MYO16: variants seen among roughly 807,000 people sequenced by gnomAD.
MYO16 encodes the protein unconventional myosin-XVI.
MYO16 carries 94 observed loss-of-function variants against 205.3 expected under a neutral mutation model. The observed-to-expected ratio is 0.46, with a 90% CI of 0.39 to 0.54. MYO16 has a LOEUF of 0.54. Ranked by LOEUF, MYO16 falls within the 20% of genes least tolerant of loss-of-function variation. The pLI, the probability that MYO16 is intolerant of heterozygous loss-of-function variation, is 0.00. For missense variants in MYO16, 2,315 were observed against 2,387.5 expected (o/e 0.97, Z 0.63); for synonymous variants, 988 against 954.0 (o/e 1.04, Z -0.66).
chr13:108,986,064 G>T (rs73616481), intron 20 of MYO16, among the ~76,000 whole-genome samples: 1 of 152,136 alleles, frequency 6.6e-6, no homozygotes, highest in African/African-American at 2.4e-5. Flanking sequence ...GCAAGAGAGC[G>T]TGTGCAAAAG....
intron 4 of MYO16, among the ~76,000 whole-genome samples, chr13:108,741,694 T>C (rs1262333530): frequency 6.6e-6 from 1 of 152,166 alleles, no homozygotes; most frequent in Non-Finnish European, 1.5e-5. Flanking sequence ...AATCTGCAAA[T>C]ATGGAATGCA....
chr13:108,963,917 C>T (rs1212604733), intron 19 of MYO16, among the ~76,000 whole-genome samples: 1 of 152,178 alleles, frequency 6.6e-6, no homozygotes, highest in Admixed American at 6.5e-5. Context: ...TGCCCCTTCC[C>T]CTTGTGTTGT....
intron 23 of MYO16, among the ~76,000 whole-genome samples, chr13:109,024,988 G>A (rs1277485218): frequency 1.3e-5 from 2 of 152,154 alleles, no homozygotes; most frequent in African/African-American, 4.8e-5. Context: ...AACATGCAAG[G>A]TCTAGTTTGG....
At chr13:108,668,546 A>T (rs1008298798) in intron 2 of MYO16, among the ~76,000 whole-genome samples, 2 of 152,186 alleles carry the variant, frequency 1.3e-5, no homozygotes, top group African/African-American at 2.4e-5. Context: ...TGTCATCAGC[A>T]CTGGTTCAAC....
At chr13:109,062,173 G>T (rs1887613628) in intron 27 of MYO16, among the ~76,000 whole-genome samples, 1 of 152,050 alleles carries the variant, frequency 6.6e-6, no homozygotes, top group Non-Finnish European at 1.5e-5. Context: ...ACTCTGTTAG[G>T]ATTACGCTTT....
intron 1 of MYO16, among the ~76,000 whole-genome samples, chr13:108,620,554 G>A (rs189466237): frequency 3.5e-4 from 53 of 152,222 alleles, no homozygotes; most frequent in African/African-American, 1.2e-3. Flanking sequence ...TTCCAGTATT[G>A]GCAACATTAG....
At chr13:108,555,811 CT>C in the MYO16 span, among the ~76,000 whole-genome samples, 527 of 152,238 alleles carry the variant, frequency 3.5e-3, 2 homozygotes, top group Middle Eastern at 0.037. Context: ...GTAAATTCAA[CT>C]TTTTTTGATT....
At chr13:108,579,590 T>C in the MYO16 span, among the ~76,000 whole-genome samples, 2 of 151,750 alleles carry the variant, frequency 1.3e-5, no homozygotes, top group Non-Finnish European at 2.9e-5. Context: ...ACAGGCGCCC[T>C]CCATCACATC....
chr13:108,675,321 G>A (rs186490120), intron 2 of MYO16, among the ~76,000 whole-genome samples: 1 of 152,284 alleles, frequency 6.6e-6, no homozygotes, highest in Admixed American at 6.5e-5. Flanking sequence ...TACATTCAGT[G>A]CATTATGATG....
At chr13:109,134,646 C>T (rs1420950760) in intron 31 of MYO16, among the ~76,000 whole-genome samples, 1 of 152,208 alleles carries the variant, frequency 6.6e-6, no homozygotes, top group Non-Finnish European at 1.5e-5. Context: ...GGGTATCCAA[C>T]TTCTTACAGG....
the MYO16 span, among the ~76,000 whole-genome samples, chr13:108,511,289 TC>T: frequency 7.5e-6 from 1 of 133,292 alleles, no homozygotes; most frequent in Non-Finnish European, 1.6e-5. Context: ...AAGTGTCTGT[TC>T]ATGTCCTTCG....
intron 20 of MYO16, among the ~76,000 whole-genome samples, chr13:108,988,539 A>G (rs2139430992): frequency 6.6e-6 from 1 of 152,294 alleles, no homozygotes; most frequent in East Asian, 1.9e-4. Context: ...ATGCCACTCT[A>G]AATTACCAAT....
At chr13:109,184,168 T>C (rs536565165) in intron 34 of MYO16, among the ~76,000 whole-genome samples, 2 of 152,222 alleles carry the variant, frequency 1.3e-5, no homozygotes, top group East Asian at 3.9e-4. Flanking sequence ...AAGATAACCC[T>C]TTCAAAAGGA....
intron 1 of MYO16, among the ~76,000 whole-genome samples, chr13:108,663,053 G>A (rs1366237113): frequency 3.3e-5 from 5 of 152,196 alleles, no homozygotes; most frequent in Admixed American, 3.3e-4. Flanking sequence ...TCTGGGAAAG[G>A]AGGGTCTCTC....
chr13:108,703,919 T>A (rs78273985), intron 2 of MYO16, among the ~76,000 whole-genome samples: 6,521 of 152,020 alleles, frequency 0.043, 186 homozygotes, highest in East Asian at 0.12. Context: ...TAAAAAGAGG[T>A]CATTAAGGTG....
intron 1 of MYO16, among the ~76,000 whole-genome samples, chr13:108,596,505 C>A (rs1405162754): frequency 6.6e-6 from 1 of 151,882 alleles, no homozygotes; most frequent in Admixed American, 6.6e-5. Flanking sequence ...TTCTGAAAGT[C>A]TTCGTGAGTG....
At chr13:109,023,279 A>C (rs1161190408) in intron 23 of MYO16, among the ~76,000 whole-genome samples, 5 of 100,016 alleles carry the variant, frequency 5.0e-5, no homozygotes, top group African/African-American at 2.0e-4. Flanking sequence ...ATAAATATAT[A>C]TATTTATATA....
Position 109,141,045 on chromosome 13 carries a change from C to T in MYO16, c.4833C>T (p.Pro1611=), listed in dbSNP as rs775151531. 190 of 1,410,640 alleles carry T rather than the reference C, an allele frequency of 1.3e-4. No homozygotes were observed. The highest frequency in any genetic ancestry group is 1.7e-4 in the Non-Finnish European group (185 of 1,086,990). 87.4% of individuals were successfully genotyped at this position (1,410,640 alleles called of 1,614,324 possible). A position where few individuals can be genotyped will look rare whatever the true frequency, so the allele number is the denominator to read the frequency against. ...PPGPPPAPYR[P]CAHLAFPPEP... is the part of the protein sequence containing the mutation. The stretch of plus-strand genomic sequence containing the variant: ...GGCCGCCCCCCGCGCCCTACAGGCC[C>T]TGCGCGCACTTGGCCTTCCCGCCGG... Residue 1611 remains proline (P), a synonymous_variant, in exon 32 of 35, where the codon CCC becomes CCT. Transcript: ENST00000457511. The surrounding 1 kb of genome is among the most constrained non-coding windows in gnomAD (Gnocchi z 4.1).
chr13:108,618,783 C>T (rs1879438296), intron 1 of MYO16, among the ~76,000 whole-genome samples: 2 of 152,174 alleles, frequency 1.3e-5, no homozygotes, highest in Non-Finnish European at 2.9e-5. Context: ...CTCACTGTGT[C>T]TGTTGCTGCT....
Sources: gnomAD v4.1 joint callset for allele counts (sites outside exome capture counted in the v4.1 genomes callset) on GRCh38, gnomAD v4.1.1 for gene constraint, Gnocchi (gnomAD v3.1) non-coding constraint, MANE v1.5 for transcripts, NCBI Gene and HGNC (gene_info 2026-07-23, HGNC 2026-07-21) for gene names.